PACSIN1: variants seen among roughly 807,000 people sequenced by gnomAD.
The protein encoded by PACSIN1 is protein kinase C and casein kinase substrate in neurons 1, also known as protein kinase C and casein kinase substrate in neurons protein 1.
In PACSIN1, 15 loss-of-function variants were observed where a neutral mutation model predicts 59.5. The observed-to-expected ratio is 0.25, with a 90% CI of 0.17 to 0.39. PACSIN1 has a LOEUF of 0.39. PACSIN1 is among the 10% of genes least tolerant of loss of function. The probability of loss-of-function intolerance (pLI) is 1.00; values close to 1 mark genes in which losing one functional copy is unlikely to be tolerated. For synonymous variants in PACSIN1, 210 were observed against 220.6 expected (o/e 0.95, Z 0.42); for missense variants, 420 against 580.2 (o/e 0.72, Z 2.84).
chr6:34,475,376 A>C (rs3846865), intron 1 of PACSIN1, among the ~76,000 whole-genome samples: 1 of 152,232 alleles, frequency 6.6e-6, no homozygotes, highest in African/African-American at 2.4e-5. Context: ...TCCTGTCTCA[A>C]GTCTGGTCTT....
intron 1 of PACSIN1, among the ~76,000 whole-genome samples, chr6:34,498,862 A>C (rs1766985106): frequency 6.6e-6 from 1 of 151,814 alleles, no homozygotes; most frequent in Non-Finnish European, 1.5e-5. Flanking sequence ...AAAAGAATGA[A>C]ATTGGATCCA....
At chr6:34,476,480 C>G (rs981111411) in intron 1 of PACSIN1, among the ~76,000 whole-genome samples, 2 of 149,982 alleles carry the variant, frequency 1.3e-5, no homozygotes, top group Non-Finnish European at 3.0e-5. Flanking sequence ...TCAGCTCCAT[C>G]GGACACTGGG....
chr6:34,490,386 A>G (rs1276050332), intron 1 of PACSIN1, among the ~76,000 whole-genome samples: 1 of 152,018 alleles, frequency 6.6e-6, no homozygotes, highest in African/African-American at 2.4e-5. Flanking sequence ...TTTTGATTGC[A>G]TCAAGTGGGC....
chr6:34,486,195 G>A (rs2127249361), intron 1 of PACSIN1, among the ~76,000 whole-genome samples: 1 of 152,146 alleles, frequency 6.6e-6, no homozygotes, highest in South Asian at 2.1e-4. Flanking sequence ...CCCAGGGAGA[G>A]GGAGGCAGGG....
At chr6:34,503,510 C>A (rs980569972) in intron 1 of PACSIN1, among the ~76,000 whole-genome samples, 120 of 152,138 alleles carry the variant, frequency 7.9e-4, no homozygotes, top group African/African-American at 2.7e-3. Flanking sequence ...CTGCTGCATG[C>A]CCAGCCTGGT....
At chr6:34,483,661 TTGAG>T (rs1766753728) in intron 1 of PACSIN1, among the ~76,000 whole-genome samples, 2 of 57,630 alleles carry the variant, frequency 3.5e-5, no homozygotes, top group African/African-American at 1.3e-4. Context: ...TTTTTTTTTT[TTGAG>T]ACAGAGCTTC....
chr6:34,528,018 C>T (rs2127274169), intron 3 of PACSIN1, among the ~76,000 whole-genome samples: 1 of 152,382 alleles, frequency 6.6e-6, no homozygotes, highest in South Asian at 2.1e-4. Context: ...AGTGCAGTCG[C>T]ACATTGCCTC....
At chr6:34,485,548 T>C (rs1316851140) in intron 1 of PACSIN1, among the ~76,000 whole-genome samples, 1 of 152,154 alleles carries the variant, frequency 6.6e-6, no homozygotes, top group Non-Finnish European at 1.5e-5. Flanking sequence ...AAGGCCAGCG[T>C]TGGAGCAGGC....
At position 34,526,296 on chromosome 6, in the gene PACSIN1, C is replaced by A. The variant is rs192086869; in HGVS notation, c.-10C>A. ...AGCTCCGCACTTGTCCATCCCCCTGCGGCTACACCATGTCCAGCTCCTACG... is the reference window on the plus strand; with the variant it reads ...AGCTCCGCACTTGTCCATCCCCCTGAGGCTACACCATGTCCAGCTCCTACG... On this transcript the variant is annotated 5_prime_UTR_variant, in exon 2 of 10. Coordinates refer to ENST00000244458, the MANE Select transcript of PACSIN1 (RefSeq NM_020804.5). The A allele has an allele frequency of 5.3e-5, 85 of 1,610,826 alleles. No homozygotes were observed. The Admixed American group carries it at 1.3e-3, about 24-fold the overall frequency.
At chr6:34,489,693 T>C (rs1581963980) in intron 1 of PACSIN1, among the ~76,000 whole-genome samples, 1 of 152,320 alleles carries the variant, frequency 6.6e-6, no homozygotes, top group Admixed American at 6.5e-5. Flanking sequence ...GAGCCGAAGC[T>C]GGGCCAGGAC....
chr6:34,517,671 A>G (rs930360517), intron 1 of PACSIN1, among the ~76,000 whole-genome samples: 1 of 151,832 alleles, frequency 6.6e-6, no homozygotes, highest in African/African-American at 2.4e-5. Context: ...CTCCAAGGCC[A>G]CCTGCTCAGA....
chr6:34,532,018 A>C lies in PACSIN1; in HGVS notation c.1225+231A>C, dbSNP rs1470196047. On this transcript the variant is annotated intron_variant, in intron 9 of 9. Transcript: ENST00000244458. This position sits in a 1 kb window ranked among gnomAD's most constrained non-coding sequence, Gnocchi z 5.2. Reference sequence around the variant, plus strand: ...ATTGGGTGTGTGGTGGGGTAGAGGCAGGATCTGAAGACGGGTTGCGAGGAT... The same window carrying C: ...ATTGGGTGTGTGGTGGGGTAGAGGCCGGATCTGAAGACGGGTTGCGAGGAT... Among the ~76,000 whole-genome samples, 1 of 152,090 alleles carries C rather than the reference A, an allele frequency of 6.6e-6. No individual in the cohort carries two copies. The highest frequency in any genetic ancestry group is 1.5e-5 in the Non-Finnish European group (1 of 68,016).
rs1041944864 is a variant in PACSIN1 at position 34,531,314 on chromosome 6, T to C, written c.1038-286T>C. Among the ~76,000 whole-genome samples, 1 of 152,190 alleles carries C rather than the reference T, an allele frequency of 6.6e-6. No individual in the cohort carries two copies. Among genetic ancestry groups the C allele is most frequent in the Non-Finnish European group, 1.5e-5 (1 of 68,034 alleles). On this transcript the variant is annotated intron_variant, in intron 8 of 9. Transcript: ENST00000244458. The surrounding 1 kb of genome is among the most constrained non-coding windows in gnomAD (Gnocchi z 4.4). Reference sequence around the variant, plus strand: ...TTGCCCAGGAGGTCTGACTCCAGGATCCTTGCTCTTAAACATTAGGTGGTA... The same window carrying C: ...TTGCCCAGGAGGTCTGACTCCAGGACCCTTGCTCTTAAACATTAGGTGGTA...
At chr6:34,500,489 TA>T (rs1409946515) in intron 1 of PACSIN1, among the ~76,000 whole-genome samples, 1 of 152,216 alleles carries the variant, frequency 6.6e-6, no homozygotes, top group Non-Finnish European at 1.5e-5. Context: ...AAACATTCAG[TA>T]AACTGTGCCG....
At chr6:34,474,671 T>A (rs1374807590) in intron 1 of PACSIN1, among the ~76,000 whole-genome samples, 3 of 150,188 alleles carry the variant, frequency 2.0e-5, no homozygotes, top group Admixed American at 6.7e-5. Flanking sequence ...ACACCTGTAG[T>A]CCCAGCTACT....
intron 1 of PACSIN1, among the ~76,000 whole-genome samples, chr6:34,485,994 A>T (rs564528561): frequency 2.0e-5 from 3 of 152,260 alleles, no homozygotes; most frequent in African/African-American, 7.2e-5. Context: ...CGTGGGCGGC[A>T]CTGGGTGGTC....
chr6:34,508,711 C>T (rs747962455), intron 1 of PACSIN1, among the ~76,000 whole-genome samples: 2 of 152,172 alleles, frequency 1.3e-5, no homozygotes, highest in Non-Finnish European at 2.9e-5. Flanking sequence ...TAAATAATGG[C>T]CATCCTGACA....
intron 3 of PACSIN1, 196 bp downstream of exon 3, chr6:34,527,684 TAA>T (rs61312305): frequency 1.5e-3 from 519 of 338,286 alleles, no homozygotes; most frequent in East Asian, 3.4e-3. Flanking sequence ...TAGGTTGAAT[TAA>T]AAAAAAAAAA....
intron 1 of PACSIN1, among the ~76,000 whole-genome samples, chr6:34,474,964 G>A (rs1394195447): frequency 6.6e-6 from 1 of 152,012 alleles, no homozygotes; most frequent in East Asian, 1.9e-4. Flanking sequence ...CCCTATGCCT[G>A]GAATTCTCTT....
Sources: gnomAD v4.1 joint callset for allele counts (sites outside exome capture counted in the v4.1 genomes callset) on GRCh38, gnomAD v4.1.1 for gene constraint, Gnocchi (gnomAD v3.1) non-coding constraint, MANE v1.5 for transcripts, NCBI Gene and HGNC (gene_info 2026-07-23, HGNC 2026-07-21) for gene names.